KCNH5: variants seen among roughly 807,000 people sequenced by gnomAD.
The protein encoded by KCNH5 is potassium voltage-gated channel subfamily H member 5, also known as voltage-gated delayed rectifier potassium channel KCNH5.
KCNH5 carries 46 observed loss-of-function variants against 96.1 expected under a neutral mutation model. The observed-to-expected ratio is 0.48, with a 90% CI of 0.38 to 0.61. The LOEUF is 0.61. KCNH5 is among the 20% of genes least tolerant of loss of function. KCNH5 has a pLI of 0.00. For synonymous variants in KCNH5, 439 were observed against 449.8 expected, an observed-to-expected ratio of 0.98 and a Z score of 0.30; for missense variants, 907 against 1,225.8, an observed-to-expected ratio of 0.74 and a Z score of 3.88.
At chr14:62,955,456 A>G (rs1890085729) in intron 6 of KCNH5, among the ~76,000 whole-genome samples, 1 of 152,216 alleles carries the variant, frequency 6.6e-6, no homozygotes, top group Non-Finnish European at 1.5e-5. Context: ...GAACAATCCT[A>G]TGTGGTACCT....
intron 8 of KCNH5, among the ~76,000 whole-genome samples, chr14:62,842,053 G>A (rs946991966): frequency 5.9e-5 from 9 of 152,180 alleles, no homozygotes; most frequent in African/African-American, 2.2e-4. Flanking sequence ...AGAAAAGAAT[G>A]TGCTTAATAT....
At chr14:62,826,588 GT>G in intron 8 of KCNH5, among the ~76,000 whole-genome samples, 1 of 151,788 alleles carries the variant, frequency 6.6e-6, no homozygotes, top group East Asian at 1.9e-4. Context: ...TTATAATATA[GT>G]TTTTTGTTCT....
At chr14:62,976,268 G>A (rs1731956962) in intron 6 of KCNH5, among the ~76,000 whole-genome samples, 1 of 151,806 alleles carries the variant, frequency 6.6e-6, no homozygotes, top group Non-Finnish European at 1.5e-5. Context: ...GCCAGGCATG[G>A]TGGCAGCGCC....
At chr14:62,768,809 GC>G (rs1369410326) in intron 10 of KCNH5, among the ~76,000 whole-genome samples, 5 of 152,186 alleles carry the variant, frequency 3.3e-5, no homozygotes, top group Admixed American at 2.0e-4. Context: ...ACTGAATCCA[GC>G]CCCAACTTTG....
At chr14:62,968,713 T>G (rs1272299585) in intron 6 of KCNH5, among the ~76,000 whole-genome samples, 1 of 152,206 alleles carries the variant, frequency 6.6e-6, no homozygotes, top group Non-Finnish European at 1.5e-5. Flanking sequence ...CTCATTCACT[T>G]CAATAGAAAT....
intron 6 of KCNH5, among the ~76,000 whole-genome samples, chr14:62,965,053 T>C (rs765682814): frequency 6.6e-6 from 1 of 152,086 alleles, no homozygotes; most frequent in East Asian, 1.9e-4. Context: ...CCAATACTTA[T>C]AATAAAGGAG....
chr14:62,973,014 G>A (rs1186671233), intron 6 of KCNH5, among the ~76,000 whole-genome samples: 1 of 152,192 alleles, frequency 6.6e-6, no homozygotes, highest in Non-Finnish European at 1.5e-5. Flanking sequence ...AACTTTGGGT[G>A]ATAATGATGT....
At chr14:62,952,003 C>CTGGTTTGT (rs983278866) in intron 6 of KCNH5, among the ~76,000 whole-genome samples, 1 of 149,240 alleles carries the variant, frequency 6.7e-6, no homozygotes, top group African/African-American at 2.5e-5. Flanking sequence ...AAGAATGCAT[C>CTGGTTTGT]TGGTTTGTTA....
At chr14:63,021,504 T>G (rs1028345551) in intron 1 of KCNH5, among the ~76,000 whole-genome samples, 3 of 152,064 alleles carry the variant, frequency 2.0e-5, no homozygotes, top group African/African-American at 7.2e-5. Flanking sequence ...AAGAATCATC[T>G]CAACTCTACA....
intron 8 of KCNH5, among the ~76,000 whole-genome samples, chr14:62,818,646 C>A (rs1887049380): frequency 6.6e-6 from 1 of 152,024 alleles, no homozygotes; most frequent in Non-Finnish European, 1.5e-5. Context: ...ACACTATAAC[C>A]CATCAAACCA....
rs143688481 is a variant in KCNH5, at chr14:63,007,620, T to C, written c.198-1148A>G. 1.6e-3 allele frequency among the ~76,000 whole-genome samples: 240 copies of C among 152,256 alleles called. 5 individuals carry two copies. The East Asian group carries it at 0.041, about 26-fold the overall frequency. On this transcript the variant is annotated intron_variant, in intron 2 of 10. Coordinates refer to ENST00000322893, the MANE Select transcript of KCNH5 (RefSeq NM_139318.5). Reference sequence around the variant, plus strand: ...AACCATCATAATTTTTATTGAGTATTAAGATAGTATTATGTGGTTTCAGCT... The same window carrying C: ...AACCATCATAATTTTTATTGAGTATCAAGATAGTATTATGTGGTTTCAGCT...
At chr14:62,961,615 A>G (rs1594647239) in intron 6 of KCNH5, among the ~76,000 whole-genome samples, 1 of 152,200 alleles carries the variant, frequency 6.6e-6, no homozygotes, top group African/African-American at 2.4e-5. Context: ...GAGAAGAAAG[A>G]CTAAGTGAAT....
intron 7 of KCNH5, among the ~76,000 whole-genome samples, chr14:62,901,188 G>A (rs768432614): frequency 7.3e-5 from 11 of 151,638 alleles, no homozygotes; most frequent in Admixed American, 1.3e-4. Context: ...AGTTTTATTC[G>A]ATTTTAAAAT....
intron 7 of KCNH5, among the ~76,000 whole-genome samples, chr14:62,917,328 C>T (rs1307233661): frequency 1.3e-5 from 2 of 149,374 alleles, no homozygotes; most frequent in Admixed American, 1.3e-4. Context: ...TAAAGAGGGA[C>T]ATAAAAGGCA....
At chr14:62,804,785 T>A (rs1417792207) in intron 8 of KCNH5, among the ~76,000 whole-genome samples, 1 of 152,180 alleles carries the variant, frequency 6.6e-6, no homozygotes, top group Non-Finnish European at 1.5e-5. Context: ...TGAAAGGGCA[T>A]GAGTTGAGCC....
chr14:62,936,534 G>A (rs1304889023), intron 7 of KCNH5, among the ~76,000 whole-genome samples: 1 of 151,892 alleles, frequency 6.6e-6, no homozygotes, highest in Admixed American at 6.6e-5. Context: ...AATCAGCCGG[G>A]CATGGTGGTG....
At chr14:62,821,754 A>G (rs1422558353) in intron 8 of KCNH5, among the ~76,000 whole-genome samples, 1 of 152,194 alleles carries the variant, frequency 6.6e-6, no homozygotes, top group Admixed American at 6.6e-5. Flanking sequence ...AAAAGCTGTC[A>G]CAGAGTATAC....
chr14:62,910,134 C>T (rs115630818), intron 7 of KCNH5, among the ~76,000 whole-genome samples: 2,024 of 146,842 alleles, frequency 0.014, 48 homozygotes, highest in African/African-American at 0.051. Flanking sequence ...CAATTCACTA[C>T]ACTAACATGT....
chr14:62,961,982 GAGATGC>G (rs1280845893), intron 6 of KCNH5, among the ~76,000 whole-genome samples: 1 of 151,258 alleles, frequency 6.6e-6, no homozygotes, highest in Non-Finnish European at 1.5e-5. Context: ...GATGCAGATA[GAGATGC>G]AGATGCAGAT....
Sources: gnomAD v4.1 joint callset for allele counts (sites outside exome capture counted in the v4.1 genomes callset) on GRCh38, gnomAD v4.1.1 for gene constraint, MANE v1.5 for transcripts, NCBI Gene and HGNC (gene_info 2026-07-23, HGNC 2026-07-21) for gene names.